Variants in ZNF503 observed in about 807,000 individuals in gnomAD.
The protein encoded by ZNF503 is zinc finger protein 503, also known as NocA-like zinc finger 2.
Under a neutral mutation model 34.4 loss-of-function variants are expected in ZNF503, and 15 were observed. The ratio of observed to expected loss-of-function variants is 0.44; its 90% CI spans 0.29 to 0.67. The LOEUF is 0.67. Ranked by LOEUF, ZNF503 falls within the 30% of genes least tolerant of loss-of-function variation. The pLI, the probability that ZNF503 is intolerant of heterozygous loss-of-function variation, is 0.13. For missense variants in ZNF503, 1,007 were observed against 926.8 expected (o/e 1.09, Z -1.12); for synonymous variants, 580 against 456.8 (o/e 1.27, Z -3.44).
At chr10:75,365,337 G>A in the ZNF503 span, among the ~76,000 whole-genome samples, 2 of 152,050 alleles carry the variant, frequency 1.3e-5, no homozygotes, top group African/African-American at 2.4e-5. Context: ...TAGTAGAGAC[G>A]GGGTTTCACT....
the ZNF503 span, among the ~76,000 whole-genome samples, chr10:75,302,050 A>C: frequency 6.6e-6 from 1 of 152,228 alleles, no homozygotes; most frequent in African/African-American, 2.4e-5. Flanking sequence ...TAAGGCAGAC[A>C]TGCTAGCAAC....
chr10:75,329,459 C>CTTTCTTTCTTTCTTTT, the ZNF503 span, among the ~76,000 whole-genome samples: 17 of 54,838 alleles, frequency 3.1e-4, 1 homozygote, highest in African/African-American at 6.9e-4. Flanking sequence ...TTCTTTCTTT[C>CTTTCTTTCTTTCTTTT]TCTTTCTTTC....
At position 75,401,235 on chromosome 10, in the gene ZNF503, G is replaced by C. The variant is rs764069684; in HGVS notation, c.185C>G (p.Pro62Arg). The C allele has an allele frequency of 7.5e-6, 12 of 1,608,050 alleles. No homozygotes were observed. Among genetic ancestry groups the C allele is most frequent in the Admixed American group, 5.0e-5 (3 of 59,548 alleles). Residue 62 changes from proline (P) to arginine (R), a missense_variant, in exon 1 of 2, where the codon CCC becomes CGC. Coordinates refer to ENST00000372524, the MANE Select transcript of ZNF503 (RefSeq NM_032772.6). ...GTTGGCCTGGCGCAGGGGGTCAGAG[G>C]GGGGCACGGCGTGCACAAAAGGCTT... is the stretch of plus-strand genomic sequence containing the variant. ...STKPFVHAVP[P>R]SDPLRQANRL... is the part of the protein sequence containing the mutation.
the ZNF503 span, among the ~76,000 whole-genome samples, chr10:75,318,013 A>G: frequency 6.7e-6 from 1 of 148,566 alleles, no homozygotes; most frequent in Non-Finnish European, 1.5e-5. Context: ...ACATACATAC[A>G]TACATACATA....
downstream of ZNF503, among the ~76,000 whole-genome samples, chr10:75,396,763 G>A (rs1163261655): frequency 6.6e-6 from 1 of 152,118 alleles, no homozygotes; most frequent in Non-Finnish European, 1.5e-5. The surrounding 1 kb of genome is among the most constrained non-coding windows in gnomAD (Gnocchi z 4.4). Context: ...TGGGCTCAGA[G>A]CTCCCAACTA....
At chr10:75,284,393 G>T in the ZNF503 span, among the ~76,000 whole-genome samples, 1 of 150,704 alleles carries the variant, frequency 6.6e-6, no homozygotes, top group South Asian at 2.1e-4. Context: ...CGTTGGTGGG[G>T]AGGGTTGCTC....
At chr10:75,397,801 T>C (rs1843719269), downstream of ZNF503, 1 of 152,604 alleles carries the variant, frequency 6.6e-6, no homozygotes, top group Non-Finnish European at 1.5e-5. Context: ...TGCCATGCTC[T>C]CTTTAACCAA....
At chr10:75,303,938 A>C in the ZNF503 span, among the ~76,000 whole-genome samples, 3 of 151,336 alleles carry the variant, frequency 2.0e-5, no homozygotes, top group East Asian at 5.8e-4. Context: ...GGTTCAACCA[A>C]TTCTCCTGCC....
the ZNF503 span, among the ~76,000 whole-genome samples, chr10:75,329,445 TTCTTTCTTTCTTTC>T: frequency 2.2e-5 from 3 of 138,890 alleles, no homozygotes; most frequent in African/African-American, 8.1e-5. Context: ...CTTTCTTTCT[TTCTTTCTTTCTTTC>T]TCTTTCTTTC....
the ZNF503 span, among the ~76,000 whole-genome samples, chr10:75,359,924 C>A: frequency 6.6e-6 from 1 of 152,062 alleles, no homozygotes; most frequent in Admixed American, 6.5e-5. Flanking sequence ...CAGCCTCTGA[C>A]TTCAGGCCCC....
chr10:75,289,667 C>G, the ZNF503 span, among the ~76,000 whole-genome samples: 1 of 152,166 alleles, frequency 6.6e-6, no homozygotes, highest in East Asian at 1.9e-4. Context: ...CTCACTGCAA[C>G]CTCCGCCTCC....
the ZNF503 span, among the ~76,000 whole-genome samples, chr10:75,378,991 C>G: frequency 6.6e-6 from 1 of 152,086 alleles, no homozygotes. Context: ...CTCCACACCC[C>G]CCAAACCCCA....
chr10:75,297,425 C>T, the ZNF503 span, among the ~76,000 whole-genome samples: 1 of 152,196 alleles, frequency 6.6e-6, no homozygotes, highest in Non-Finnish European at 1.5e-5. Context: ...GTTCTAGACA[C>T]TGGGGATTTA....
chr10:75,358,814 C>T, the ZNF503 span: 1 of 152,274 alleles, frequency 6.6e-6, no homozygotes, highest in Non-Finnish European at 1.5e-5. Flanking sequence ...CATTCCCGGG[C>T]CCTAAGGCTG....
At chr10:75,340,497 C>T in the ZNF503 span, among the ~76,000 whole-genome samples, 1 of 152,138 alleles carries the variant, frequency 6.6e-6, no homozygotes, top group Non-Finnish European at 1.5e-5. Context: ...TCGTGAACAA[C>T]TGAAAACAAC....
At chr10:75,315,180 C>T in the ZNF503 span, among the ~76,000 whole-genome samples, 5 of 152,050 alleles carry the variant, frequency 3.3e-5, no homozygotes, top group African/African-American at 1.2e-4. Flanking sequence ...GGCAACATAG[C>T]AAGACCCTGT....
chr10:75,289,695 C>T, the ZNF503 span, among the ~76,000 whole-genome samples: 1 of 152,050 alleles, frequency 6.6e-6, no homozygotes, highest in Non-Finnish European at 1.5e-5. Flanking sequence ...AAGTAATTCT[C>T]CTGTCTCAGC....
chr10:75,375,698 G>A, the ZNF503 span, among the ~76,000 whole-genome samples: 1 of 152,136 alleles, frequency 6.6e-6, no homozygotes, highest in Non-Finnish European at 1.5e-5. Context: ...TGTATTTTCA[G>A]TAGAGACTGG....
At chr10:75,280,960 G>A in the ZNF503 span, among the ~76,000 whole-genome samples, 2 of 152,172 alleles carry the variant, frequency 1.3e-5, no homozygotes, top group Non-Finnish European at 2.9e-5. Context: ...CTGCTTCAGG[G>A]AACTTCTCTG....
Sources: allele counts gnomAD v4.1 joint callset (sites outside exome capture counted in the v4.1 genomes callset), GRCh38; gene constraint gnomAD v4.1.1; non-coding constraint Gnocchi (gnomAD v3.1); transcripts MANE v1.5; gene names NCBI Gene and HGNC (gene_info 2026-07-23, HGNC 2026-07-21).